VAV2: variants seen among roughly 807,000 people sequenced by gnomAD.
VAV2 encodes guanine nucleotide exchange factor VAV2.
In VAV2, 67 loss-of-function variants were observed where a neutral mutation model predicts 132.5. That is an observed-to-expected ratio of 0.51 (90% CI 0.42 to 0.62). VAV2 has a LOEUF of 0.62. Among genes scored for constraint, VAV2 ranks in the 20% least tolerant of loss-of-function variants. The pLI is 0.00. For synonymous variants in VAV2, 492 were observed against 443.5 expected (o/e 1.11, Z -1.37); for missense variants, 938 against 1,153.6 (o/e 0.81, Z 2.71).
chr9:133,841,190 G>A lies in VAV2; in HGVS notation c.381-6850C>T, dbSNP rs1001609864. Among the ~76,000 whole-genome samples, 4 of 152,168 alleles carry A rather than the reference G, an allele frequency of 2.6e-5. No homozygotes were observed. The South Asian group carries it at 8.3e-4, about 32-fold the overall frequency. On this transcript the variant is annotated intron_variant, in intron 3 of 29. Coordinates refer to ENST00000371850, the MANE Select transcript of VAV2 (RefSeq NM_001134398.2). ...CCATGAGGACTGTGGGGCCTCAAAC[G>A]TGGGGTTCAATGGGGAGCACGACCG...
Position 133,762,836 on chromosome 9 carries a change from G to A in VAV2, c.*1226C>T, listed in dbSNP as rs1236498077. The A allele has an allele frequency of 6.6e-6, 1 of 152,568 alleles. No individual in the cohort carries two copies. Among genetic ancestry groups the A allele is most frequent in the East Asian group, 1.9e-4 (1 of 5,206 alleles). The allele number at this position is 152,568 out of a possible 1,614,324, so 9.5% of individuals were successfully genotyped here. A position where few individuals can be genotyped will look rare whatever the true frequency, so the allele number is the denominator to read the frequency against. Reference sequence around the variant, plus strand: ...GGCACCTCCCACAGGCTGTGCAGCTGGCCAGAGGGAGAAGGGGCTACAAGA... The same window carrying A: ...GGCACCTCCCACAGGCTGTGCAGCTAGCCAGAGGGAGAAGGGGCTACAAGA... On this transcript the variant is annotated 3_prime_UTR_variant, in exon 30 of 30. Coordinates refer to ENST00000371850, the MANE Select transcript of VAV2 (RefSeq NM_001134398.2). This position sits in a 1 kb window ranked among gnomAD's most constrained non-coding sequence, Gnocchi z 5.0.
chr9:133,796,017 G>A (rs1310354450), intron 11 of VAV2, among the ~76,000 whole-genome samples: 1 of 152,264 alleles, frequency 6.6e-6, no homozygotes, highest in East Asian at 1.9e-4. Context: ...GCAAGGCGCT[G>A]TGCCAGCATT....
At position 133,794,566 on chromosome 9, in the gene VAV2, A is replaced by G. The variant is rs1372204177; in HGVS notation, c.1101+1102T>C. On this transcript the variant is annotated intron_variant, in intron 12 of 29. Transcript: ENST00000371850. This position sits in a 1 kb window ranked among gnomAD's most constrained non-coding sequence, Gnocchi z 4.6. The stretch of plus-strand genomic sequence containing the variant: ...CCCCCACCCAGAGGGAGCTCCTTAA[A>G]TGAGGTACCTGGGAAAGGAAAAGGG... Among the ~76,000 whole-genome samples the G allele has an allele frequency of 6.6e-6, 1 of 152,040 alleles. No homozygotes were observed. The highest frequency in any genetic ancestry group is 6.5e-5 in the Admixed American group (1 of 15,282).
chr9:133,784,349 G>C lies in VAV2; in HGVS notation c.1602C>G (p.Thr534=), dbSNP rs1311514860. Residue 534 remains threonine, a synonymous_variant, in exon 18 of 30, where the codon ACC becomes ACG. Transcript: ENST00000371850. ...HSFQMYTFDK[T]TNCKACKMFL... ...ACATTTTGCAGGCTTTGCAGTTGGT[G>C]GTCTTGTCAAACGTGTACATCTGGA... The C allele has an allele frequency of 6.2e-7, 1 of 1,614,214 alleles. No homozygotes were observed. Among genetic ancestry groups the C allele is most frequent in the African/African-American group, 1.3e-5 (1 of 75,046 alleles).
In VAV2 at chr9:133,770,505, C is replaced by T. The variant is rs755348290; in HGVS notation, c.2224-4G>A. 8.1e-6 allele frequency: 13 copies of T among 1,613,776 alleles called. No individual in the cohort carries two copies. The highest frequency in any genetic ancestry group is 3.3e-4 in the Middle Eastern group (2 of 6,040). On this transcript the variant is annotated splice_polypyrimidine_tract_variant and splice_region_variant and intron_variant, in intron 26 of 29. Coordinates refer to ENST00000371850, the MANE Select transcript of VAV2 (RefSeq NM_001134398.2). ...ACTGGTAGTACTCCACCAACTCCTGCAGGGCGTACACACTCACTGACAGCT... is the reference window on the plus strand; with the variant it reads ...ACTGGTAGTACTCCACCAACTCCTGTAGGGCGTACACACTCACTGACAGCT...
intron 3 of VAV2, among the ~76,000 whole-genome samples, chr9:133,858,277 GTAAC>G (rs1245726635): frequency 6.6e-6 from 1 of 152,192 alleles, no homozygotes; most frequent in Non-Finnish European, 1.5e-5. Context: ...TGGGGATGGA[GTAAC>G]TAAGGTCAGC....
chr9:133,903,307 C>T (rs781305787), intron 2 of VAV2, among the ~76,000 whole-genome samples: 32 of 152,122 alleles, frequency 2.1e-4, no homozygotes, highest in Admixed American at 1.6e-3. Flanking sequence ...CTTCCCTCCC[C>T]GCTGCACTGT....
At chr9:133,944,707 G>A (rs1198748318) in intron 1 of VAV2, among the ~76,000 whole-genome samples, 1 of 152,260 alleles carries the variant, frequency 6.6e-6, no homozygotes, top group African/African-American at 2.4e-5. Flanking sequence ...GGGGATGCAA[G>A]AAAGTCCTGT....
intron 1 of VAV2, among the ~76,000 whole-genome samples, chr9:133,954,101 G>A (rs1029707596): frequency 5.3e-5 from 8 of 152,156 alleles, no homozygotes; most frequent in Non-Finnish European, 7.3e-5. Context: ...GGCCGAAACC[G>A]TCACCGAAAG....
In VAV2 at chr9:133,766,010, T is replaced by C. The variant is rs149032532; in HGVS notation, c.2590-1901A>G. Among the ~76,000 whole-genome samples the C allele has an allele frequency of 2.3e-3, 356 of 152,346 alleles. 2 individuals carry two copies. The highest frequency in any genetic ancestry group is 8.2e-3 in the African/African-American group (339 of 41,584). On this transcript the variant is annotated intron_variant, in intron 29 of 29. Transcript: ENST00000371850. ...AAAGAAAGTGAAATAAGGATGGTTT[T>C]AGATTCAAAAGAAACTGAGAATTCA...
chr9:133,851,456 T>C (rs539368675), intron 3 of VAV2, among the ~76,000 whole-genome samples: 13 of 152,196 alleles, frequency 8.5e-5, no homozygotes, highest in Non-Finnish European at 1.5e-4. Context: ...GTGTAAGAAA[T>C]TGATCCAGCA....
intron 4 of VAV2, among the ~76,000 whole-genome samples, chr9:133,825,123 G>A (rs886554258): frequency 1.3e-4 from 19 of 151,898 alleles, no homozygotes; most frequent in Non-Finnish European, 2.5e-4. Context: ...GAGGCACCAC[G>A]GCCAGTGGGG....
chr9:133,784,893 G>A (rs559835177), intron 17 of VAV2, among the ~76,000 whole-genome samples: 17 of 152,210 alleles, frequency 1.1e-4, no homozygotes, highest in Admixed American at 2.0e-4. Flanking sequence ...GTGGGGTGAC[G>A]CGGATGGCGG....
chr9:133,989,546 G>A (rs1327139313), intron 1 of VAV2, among the ~76,000 whole-genome samples: 11 of 144,296 alleles, frequency 7.6e-5, no homozygotes, highest in African/African-American at 2.3e-4. Context: ...AAAGCTGGGC[G>A]TGGTGGAGCG....
chr9:133,828,642 C>T (rs1836143343), intron 4 of VAV2, among the ~76,000 whole-genome samples: 1 of 152,246 alleles, frequency 6.6e-6, no homozygotes, highest in African/African-American at 2.4e-5. Context: ...TCACAGCAGG[C>T]ATTTCGACGT....
rs867863133 is a variant in VAV2 at position 133,897,922 on chromosome 9, C to T, written c.322-36490G>A. Among the ~76,000 whole-genome samples, 34 of 152,094 alleles carry T rather than the reference C, an allele frequency of 2.2e-4. 1 individual carries two copies. The highest frequency in any genetic ancestry group is 8.2e-4 in the African/African-American group (34 of 41,342). On this transcript the variant is annotated intron_variant, in intron 2 of 29. Coordinates refer to ENST00000371850, the MANE Select transcript of VAV2 (RefSeq NM_001134398.2). ...GCCAATTAAAACTCCTCTTCAGAAG[C>T]GTCCAGCACCCACCAACTTCAGAAA...
At chr9:133,846,958 G>A (rs1390899259) in intron 3 of VAV2, among the ~76,000 whole-genome samples, 3 of 152,238 alleles carry the variant, frequency 2.0e-5, no homozygotes, top group East Asian at 1.9e-4. Flanking sequence ...GGCTTGGCTG[G>A]GCTCCTTTGC....
chr9:133,888,604 G>C (rs1406731583), intron 2 of VAV2, among the ~76,000 whole-genome samples: 1 of 152,168 alleles, frequency 6.6e-6, no homozygotes. Flanking sequence ...ATGCAGCTCT[G>C]GGAAGGGCTT....
At chr9:133,958,048 C>T (rs1188172023) in intron 1 of VAV2, among the ~76,000 whole-genome samples, 1 of 142,104 alleles carries the variant, frequency 7.0e-6, no homozygotes, top group African/African-American at 2.5e-5. Flanking sequence ...TCTCAAGTAC[C>T]CAGGGACACA....
Sources: allele counts gnomAD v4.1 joint callset (sites outside exome capture counted in the v4.1 genomes callset), GRCh38; gene constraint gnomAD v4.1.1; non-coding constraint Gnocchi (gnomAD v3.1); transcripts MANE v1.5; gene names NCBI Gene and HGNC (gene_info 2026-07-23, HGNC 2026-07-21).